Variants in AK8 observed in about 807,000 individuals in gnomAD.
The protein encoded by AK8 is ATP-AMP transphosphorylase 8.
In AK8, 44 loss-of-function variants were observed where a neutral mutation model predicts 54.6. That is an observed-to-expected ratio of 0.81 (90% confidence interval 0.63 to 1.04). The LOEUF is 1.04. AK8 is among the 50% of genes least tolerant of loss of function. AK8 has a pLI of 0.00. For synonymous variants in AK8, 239 were observed against 245.6 expected (o/e 0.97, Z 0.25); for missense variants, 555 against 613.6 (o/e 0.90, Z 1.01).
At chr9:132,830,141 C>T (rs771852235) in intron 5 of AK8, among the ~76,000 whole-genome samples, 1 of 152,194 alleles carries the variant, frequency 6.6e-6, no homozygotes, top group Non-Finnish European at 1.5e-5. Flanking sequence ...TCACAAAGTG[C>T]TCCTTGCATA....
chr9:132,780,882 T>G (rs1284273390), intron 11 of AK8, among the ~76,000 whole-genome samples: 1 of 152,176 alleles, frequency 6.6e-6, no homozygotes, highest in Non-Finnish European at 1.5e-5. Flanking sequence ...ATTTCTGAGA[T>G]AGCATGACCA....
chr9:132,739,121 A>G lies in AK8; in HGVS notation c.1122-11587T>C, dbSNP rs117258354. Among the ~76,000 whole-genome samples the G allele has an allele frequency of 1.2e-4, 18 of 151,880 alleles. No homozygotes were observed. In the East Asian group the frequency reaches 3.5e-3, roughly 30 times the overall value. Reference sequence around the variant, plus strand: ...AATACTGTTTGATCCCACTAAAAAAATGTATAGAAAAGAAAAAGACTGCAA... The same window carrying G: ...AATACTGTTTGATCCCACTAAAAAAGTGTATAGAAAAGAAAAAGACTGCAA... On this transcript the variant is annotated intron_variant, in intron 11 of 12. Transcript: ENST00000298545.
chr9:132,792,078 C>T (rs1045663746), intron 11 of AK8, among the ~76,000 whole-genome samples: 1 of 152,234 alleles, frequency 6.6e-6, no homozygotes, highest in African/African-American at 2.4e-5. Context: ...TGACCCCTTG[C>T]TATTGCAAGC....
chr9:132,733,054 G>C (rs1053693159), intron 11 of AK8, among the ~76,000 whole-genome samples: 1 of 152,116 alleles, frequency 6.6e-6, no homozygotes, highest in African/African-American at 2.4e-5. Flanking sequence ...GCTCCTCACT[G>C]GTGCCTGATG....
At chr9:132,738,345 A>G (rs1294402441) in intron 11 of AK8, among the ~76,000 whole-genome samples, 1 of 152,006 alleles carries the variant, frequency 6.6e-6, no homozygotes. Context: ...GAGCCACCGC[A>G]CCTGGCCTAA....
At chr9:132,804,568 G>A (rs956626121) in intron 10 of AK8, among the ~76,000 whole-genome samples, 3 of 151,998 alleles carry the variant, frequency 2.0e-5, no homozygotes, top group African/African-American at 7.3e-5. Flanking sequence ...CCCAGGGAGG[G>A]GGGTGGGAGC....
At chr9:132,764,505 T>C (rs184463225) in intron 11 of AK8, among the ~76,000 whole-genome samples, 4 of 152,250 alleles carry the variant, frequency 2.6e-5, no homozygotes, top group East Asian at 1.9e-4. Flanking sequence ...ACCACAGATA[T>C]ACAAAGGCTC....
intron 11 of AK8, among the ~76,000 whole-genome samples, chr9:132,777,377 G>A (rs988387216): frequency 1.2e-4 from 19 of 152,084 alleles, no homozygotes; most frequent in Non-Finnish European, 2.4e-4. Flanking sequence ...TCAAGGAAAC[G>A]GAGGTGCAGA....
chr9:132,850,897 T>TAAAAAAAAAAAA (rs34133877), intron 5 of AK8, among the ~76,000 whole-genome samples: 1 of 135,330 alleles, frequency 7.4e-6, no homozygotes. Context: ...TAGGTGCATT[T>TAAAAAAAAAAAA]AAAAAAAAAA....
chr9:132,799,921 C>A lies in AK8; in HGVS notation c.980-7146G>T, dbSNP rs1040782897. Among the ~76,000 whole-genome samples, 1 of 152,126 alleles carries A rather than the reference C, an allele frequency of 6.6e-6. No individual in the cohort carries two copies. The highest frequency in any genetic ancestry group is 1.5e-5 in the Non-Finnish European group (1 of 68,016). On this transcript the variant is annotated intron_variant, in intron 10 of 12. Coordinates refer to ENST00000298545, the MANE Select transcript of AK8 (RefSeq NM_152572.3). This position sits in a 1 kb window ranked among gnomAD's most constrained non-coding sequence, Gnocchi z 5.0. ...TGGTCCCTGGGTCCCTGGGTCCCGC[C>A]CCTCCTGAAGGATCCCAATAGGACC...
chr9:132,762,204 G>A (rs1838508336), intron 11 of AK8, among the ~76,000 whole-genome samples: 1 of 152,104 alleles, frequency 6.6e-6, no homozygotes, highest in Admixed American at 6.6e-5. Flanking sequence ...TATTGCTAGA[G>A]ATTTGTCGGT....
At chr9:132,822,870 G>C (rs1309901160) in intron 9 of AK8, among the ~76,000 whole-genome samples, 2 of 152,154 alleles carry the variant, frequency 1.3e-5, no homozygotes, top group African/African-American at 2.4e-5. Flanking sequence ...CAGGGGAGAT[G>C]GCAGGGGTGA....
intron 10 of AK8, among the ~76,000 whole-genome samples, chr9:132,813,841 C>T (rs979114107): frequency 2.6e-5 from 4 of 152,206 alleles, no homozygotes; most frequent in Non-Finnish European, 4.4e-5. Context: ...GGTCCTGCTT[C>T]GCCTGTCAAA....
intron 7 of AK8, among the ~76,000 whole-genome samples, chr9:132,827,649 G>A (rs1841929470): frequency 6.6e-6 from 1 of 152,134 alleles, no homozygotes; most frequent in Admixed American, 6.5e-5. Context: ...TCTCTCTCCT[G>A]TATAAATACC....
At chr9:132,805,239 G>T (rs556090179) in intron 10 of AK8, among the ~76,000 whole-genome samples, 3 of 152,344 alleles carry the variant, frequency 2.0e-5, no homozygotes, top group African/African-American at 7.2e-5. Flanking sequence ...ATGACTCTGT[G>T]CACTCCGGCT....
chr9:132,858,986 C>G (rs942928417), intron 4 of AK8, among the ~76,000 whole-genome samples: 3 of 152,142 alleles, frequency 2.0e-5, no homozygotes, highest in Non-Finnish European at 4.4e-5. Flanking sequence ...TCCTCTACCC[C>G]AAGCCTTCCA....
chr9:132,827,797 TCTC>T (rs1406411417), intron 7 of AK8: 17 of 545,162 alleles, frequency 3.1e-5, no homozygotes, highest in Non-Finnish European at 5.2e-5. Flanking sequence ...CACAAGAAAG[TCTC>T]CTCCTTTAGC....
intron 5 of AK8, among the ~76,000 whole-genome samples, chr9:132,844,297 C>CCA (rs1205025979): frequency 1.1e-5 from 1 of 92,656 alleles, no homozygotes; most frequent in Non-Finnish European, 2.0e-5. Context: ...TGCATTAGAC[C>CCA]AAAAAAAAAA....
At chr9:132,869,050 C>T (rs557540459) in intron 2 of AK8, among the ~76,000 whole-genome samples, 2 of 152,252 alleles carry the variant, frequency 1.3e-5, no homozygotes, top group African/African-American at 4.8e-5. Context: ...CGTGGTGGCA[C>T]ACAACTGTAA....
Sources: allele counts gnomAD v4.1 joint callset (sites outside exome capture counted in the v4.1 genomes callset), GRCh38; gene constraint gnomAD v4.1.1; non-coding constraint Gnocchi (gnomAD v3.1); transcripts MANE v1.5; gene names NCBI Gene and HGNC (gene_info 2026-07-23, HGNC 2026-07-21).